COL11A1: variants seen among roughly 807,000 people sequenced by gnomAD.
The protein encoded by COL11A1 is collagen alpha-1(XI) chain.
COL11A1 carries 74 observed loss-of-function variants against 265.2 expected under a neutral mutation model. The observed-to-expected ratio is 0.28, with a 90% CI of 0.23 to 0.34. COL11A1 has a LOEUF of 0.34. Among genes scored for constraint, COL11A1 ranks in the 10% least tolerant of loss-of-function variants. COL11A1 has a pLI of 1.00. For missense variants in COL11A1, 2,165 were observed against 2,263.6 expected (o/e 0.96, Z 0.88); for synonymous variants, 816 against 727.6 (o/e 1.12, Z -1.96).
intron 38 of COL11A1, among the ~76,000 whole-genome samples, chr1:102,964,371 T>C (rs1298136808): frequency 2.6e-5 from 4 of 152,252 alleles, no homozygotes; most frequent in Non-Finnish European, 5.9e-5. Flanking sequence ...TGAGAAAGTA[T>C]ATATAATGTT....
chr1:103,076,428 C>T (rs929426810), intron 3 of COL11A1, among the ~76,000 whole-genome samples: 1 of 152,108 alleles, frequency 6.6e-6, no homozygotes, highest in African/African-American at 2.4e-5. Context: ...ACAGTAAAAG[C>T]TGAAGCCATT....
intron 4 of COL11A1, among the ~76,000 whole-genome samples, chr1:103,045,748 C>T (rs1012896019): frequency 2.0e-5 from 3 of 151,816 alleles, no homozygotes; most frequent in South Asian, 2.1e-4. Context: ...AGGTATATCT[C>T]CTAATGCTAT....
At chr1:103,002,042 T>G in intron 23 of COL11A1, 73 bp from the exon 24 acceptor site, 2 of 1,195,006 alleles carry the variant, frequency 1.7e-6, no homozygotes, top group Non-Finnish European at 2.5e-6. Context: ...AGCAAATTAT[T>G]AGCTCACTAT....
At chr1:102,915,545 A>G in intron 50 of COL11A1, 86 bp downstream of exon 50, 2 of 1,154,656 alleles carry the variant, frequency 1.7e-6, no homozygotes, top group Non-Finnish European at 1.3e-6. Context: ...TTCGAACCAC[A>G]GCTAAGAGTT....
intron 43 of COL11A1, 149 bp from the exon 44 acceptor site, chr1:102,939,237 T>G: frequency 1.4e-6 from 1 of 716,600 alleles, no homozygotes. Flanking sequence ...GGGTTCCCAC[T>G]GCTTCTAGCT....
intron 7 of COL11A1, among the ~76,000 whole-genome samples, chr1:103,023,836 A>G (rs1395103752): frequency 6.6e-6 from 1 of 152,174 alleles, no homozygotes; most frequent in Non-Finnish European, 1.5e-5. Context: ...GGGAAGTAGT[A>G]TTACACCAAA....
At position 103,078,891 on chromosome 1, in the gene COL11A1, G is replaced by T. The variant is rs1270246627; in HGVS notation, c.275-20C>A. On this transcript the variant is annotated intron_variant, in intron 2 of 66. Coordinates refer to ENST00000370096, the MANE Select transcript of COL11A1 (RefSeq NM_001854.4). ...TTCCACCTGAGAAGAAAAGGCCAAA[G>T]AGTTAGAAATTTCCAATTTCCAATT... 2 of 1,553,380 alleles carry T rather than the reference G, an allele frequency of 1.3e-6. No individual in the cohort carries two copies. The highest frequency in any genetic ancestry group is 2.3e-5 in the South Asian group (2 of 88,470).
chr1:103,004,539 T>C (rs1489544544), intron 19 of COL11A1, 51 bp from the exon 20 acceptor site: 6 of 1,592,428 alleles, frequency 3.8e-6, no homozygotes, highest in Non-Finnish European at 5.2e-6. Context: ...CAATGTATCA[T>C]TTCAACATGA....
chr1:103,063,577 T>C (rs1414607430), intron 4 of COL11A1, among the ~76,000 whole-genome samples: 2 of 152,084 alleles, frequency 1.3e-5, no homozygotes, highest in African/African-American at 2.4e-5. Context: ...TAATGGTTCA[T>C]AAATGTAAAA....
At chr1:103,082,406 A>C (rs1185798064) in intron 2 of COL11A1, among the ~76,000 whole-genome samples, 5 of 152,080 alleles carry the variant, frequency 3.3e-5, no homozygotes, top group Non-Finnish European at 5.9e-5. Flanking sequence ...TTAGAAAGTC[A>C]TTAAGGGGAA....
At chr1:102,918,183 C>T (rs1045569553) in intron 49 of COL11A1, among the ~76,000 whole-genome samples, 1 of 151,534 alleles carries the variant, frequency 6.6e-6, no homozygotes, top group Admixed American at 6.6e-5. Context: ...ATTATGAAGT[C>T]TTCATCACTT....
intron 8 of COL11A1, among the ~76,000 whole-genome samples, chr1:103,022,151 C>T (rs1248698459): frequency 4.0e-5 from 6 of 150,550 alleles, no homozygotes; most frequent in Admixed American, 2.0e-4. Context: ...CCAAAGCACC[C>T]GGCCGGCCAT....
chr1:103,070,461 T>A (rs1049339186), intron 4 of COL11A1, among the ~76,000 whole-genome samples: 1 of 151,616 alleles, frequency 6.6e-6, no homozygotes, highest in Admixed American at 6.6e-5. Flanking sequence ...TAAGTTAAAA[T>A]GAGTGCACCC....
At chr1:103,097,820 G>A (rs906861494) in intron 1 of COL11A1, among the ~76,000 whole-genome samples, 1 of 151,972 alleles carries the variant, frequency 6.6e-6, no homozygotes, top group African/African-American at 2.4e-5. Context: ...CATGAGAATA[G>A]AGATCATCAT....
chr1:102,924,361 G>A (rs1049417723), intron 46 of COL11A1, among the ~76,000 whole-genome samples: 1 of 152,082 alleles, frequency 6.6e-6, no homozygotes, highest in Non-Finnish European at 1.5e-5. Context: ...TGTCTTCACC[G>A]AAAAATTATT....
Position 103,108,401 on chromosome 1 carries a change from C to A in COL11A1, c.-223G>T. On this transcript the variant is annotated 5_prime_UTR_variant, in exon 1 of 67. It adds an upstream start codon to the 5' untranslated region. Transcript: ENST00000370096. Reference sequence around the variant, plus strand: ...TGAGTTGGCCCCACCGGCCGGGACCCTCCGGCCGCGACCCTCTGATCCTTC... The same window carrying A: ...TGAGTTGGCCCCACCGGCCGGGACCATCCGGCCGCGACCCTCTGATCCTTC... The A allele has an allele frequency of 1.6e-6, 1 of 612,722 alleles. No individual in the cohort carries two copies. The highest frequency in any genetic ancestry group is 4.3e-4 in the Middle Eastern group (1 of 2,306). The allele number at this position is 612,722 out of a possible 1,614,324, so 38.0% of individuals were successfully genotyped here. A position where few individuals can be genotyped will look rare whatever the true frequency, so the allele number is the denominator to read the frequency against.
In COL11A1 at chr1:102,877,540, T is replaced by A. The variant is rs1028994475; in HGVS notation, c.*479A>T. 17 of 153,582 alleles carry A rather than the reference T, an allele frequency of 1.1e-4. No individual in the cohort carries two copies. Among genetic ancestry groups the A allele is most frequent in the African/African-American group, 4.1e-4 (17 of 41,410 alleles). 9.5% of individuals were successfully genotyped at this position (153,582 alleles called of 1,614,324 possible). ...ATACATATATTTATTGCCATCAGAG[T>A]TCTGCAATTCTCATAAAATTAGAGT... On this transcript the variant is annotated 3_prime_UTR_variant, in exon 67 of 67. Coordinates refer to ENST00000370096, the MANE Select transcript of COL11A1 (RefSeq NM_001854.4).
At chr1:102,997,792 T>C (rs917818132) in intron 25 of COL11A1, among the ~76,000 whole-genome samples, 17 of 151,876 alleles carry the variant, frequency 1.1e-4, no homozygotes, top group Admixed American at 5.9e-4. Context: ...TAAAGGGAAA[T>C]AATAAATATT....
chr1:103,094,205 C>T (rs899274745), intron 1 of COL11A1, among the ~76,000 whole-genome samples: 4 of 151,968 alleles, frequency 2.6e-5, no homozygotes, highest in Non-Finnish European at 4.4e-5. Flanking sequence ...TAATAGACAC[C>T]ACACAAGAGT....
Sources: allele counts gnomAD v4.1 joint callset (sites outside exome capture counted in the v4.1 genomes callset), GRCh38; gene constraint gnomAD v4.1.1; transcripts MANE v1.5; gene names NCBI Gene and HGNC (gene_info 2026-07-23, HGNC 2026-07-21).